The following ZNF304 variants were observed in gnomAD, a reference collection of about 807,000 sequenced individuals.
The protein encoded by ZNF304 is KRAB-containing zinc finger protein.
ZNF304 carries 7 observed loss-of-function variants against 7.8 expected under a neutral mutation model. The ratio of observed to expected loss-of-function variants is 0.90; its 90% confidence interval spans 0.51 to 1.69. The LOEUF (loss-of-function observed/expected upper bound fraction) is 1.69. Ranked by LOEUF, ZNF304 falls within the 40% of genes most tolerant of loss-of-function variation. ZNF304 has a pLI of 0.00. For missense variants in ZNF304, 669 were observed against 804.8 expected (o/e 0.83, Z 2.04); for synonymous variants, 280 against 272.4 (o/e 1.03, Z -0.27).
In ZNF304 at chr19:57,353,729, G is replaced by T; in HGVS notation, c.38G>T (p.Cys13Phe). Residue 13 changes from cysteine (C) to phenylalanine (F), a missense_variant, in exon 2 of 3, where the codon TGT becomes TTT. By Grantham distance (205) the Cys-to-Phe change is radical. Transcript: ENST00000282286. ...AAVLMDRVQSCVTFEDVFVYF... is the reference protein window; with the variant it reads ...AAVLMDRVQSFVTFEDVFVYF... ...CAGCTGTACTTATCATGGCAGAGTT[G>T]TGTGACCTTCGAGGATGTGTTCGTG... 1 of 1,609,890 alleles carries T rather than the reference G, an allele frequency of 6.2e-7. No individual in the cohort carries two copies. The highest frequency in any genetic ancestry group is 1.3e-5 in the African/African-American group (1 of 74,902).
rs775061642 is a variant in ZNF304 at position 57,356,869 on chromosome 19, T to G, written c.1000T>G (p.Ser334Ala). 1.2e-6 allele frequency: 2 copies of G among 1,612,670 alleles called. No individual in the cohort carries two copies. Among genetic ancestry groups the G allele is most frequent in the South Asian group, 2.2e-5 (2 of 91,010 alleles). Residue 334 changes from serine (S) to alanine (A), a missense_variant, in exon 3 of 3, where the codon TCT becomes GCT. Transcript: ENST00000282286. The part of the protein sequence containing the change: ...QHQRVHTGER[S>A]YDCSECGKAY... ...TCAGAGAGTTCACACTGGAGAAAGA[T>G]CTTATGACTGCAGTGAATGTGGAAA...
At chr19:57,354,652 AAGT>A (rs2088314051) in intron 2 of ZNF304, among the ~76,000 whole-genome samples, 1 of 152,230 alleles carries the variant, frequency 6.6e-6, no homozygotes, top group Non-Finnish European at 1.5e-5. Context: ...CCTTGGAAAT[AAGT>A]AAGTCCATCC....
chr19:57,357,120 G>T lies in ZNF304; in HGVS notation c.1251G>T (p.Arg417Ser), dbSNP rs1211408849. 1 of 1,613,008 alleles carries T rather than the reference G, an allele frequency of 6.2e-7. No homozygotes were observed. The highest frequency in any genetic ancestry group is 1.3e-5 in the African/African-American group (1 of 74,850). ...IEHWRIHTGA[R>S]PYECIECGKF... is the part of the protein sequence containing the mutation. ...ACTGGAGAATTCATACCGGGGCAAG[G>T]CCCTATGAATGCATAGAATGTGGAA... Residue 417 changes from arginine (R) to serine (S), a missense_variant, in exon 3 of 3, where the codon AGG (arginine) becomes AGT (serine). Transcript: ENST00000282286.
chr19:57,357,138 A>G lies in ZNF304; in HGVS notation c.1269A>G (p.Glu423=). Residue 423 remains glutamate, a synonymous_variant, in exon 3 of 3, where the codon GAA becomes GAG. Coordinates refer to ENST00000282286, the MANE Select transcript of ZNF304 (RefSeq NM_020657.4). ...HTGARPYECI[E]CGKFFSHNSS... ...GGGCAAGGCCCTATGAATGCATAGAATGTGGAAAATTCTTTAGCCATAACT... is the reference window on the plus strand; with the variant it reads ...GGGCAAGGCCCTATGAATGCATAGAGTGTGGAAAATTCTTTAGCCATAACT... 1 of 1,614,214 alleles carries G rather than the reference A, an allele frequency of 6.2e-7. No individual in the cohort carries two copies. The highest frequency in any genetic ancestry group is 8.5e-7 in the Non-Finnish European group (1 of 1,180,046).
At chr19:57,355,382 A>C in intron 2 of ZNF304, 1 of 765,124 alleles carries the variant, frequency 1.3e-6, no homozygotes, top group Non-Finnish European at 2.4e-6. Flanking sequence ...TACAGAGGGC[A>C]TGGCCCTGCT....
Position 57,358,908 on chromosome 19 carries a change from T to C in ZNF304, c.*1059T>C, listed in dbSNP as rs745823526. ...CAAGTCCCTGATATCCAGAACCCCA[T>C]AGGCAAGTAACATTGACTGTAAGAC... On this transcript the variant is annotated 3_prime_UTR_variant, in exon 3 of 3. Transcript: ENST00000282286. 2.0e-5 allele frequency: 3 copies of C among 152,344 alleles called. No individual in the cohort carries two copies. The South Asian group carries it at 6.2e-4, about 32-fold the overall frequency. The allele number at this position is 152,344 out of a possible 1,614,324, so 9.4% of individuals were successfully genotyped here. A position where few individuals can be genotyped will look rare whatever the true frequency, so the allele number is the denominator to read the frequency against.
At chr19:57,353,334 G>A (rs1394873548) in intron 1 of ZNF304, among the ~76,000 whole-genome samples, 2 of 152,232 alleles carry the variant, frequency 1.3e-5, no homozygotes, top group African/African-American at 4.8e-5. Context: ...GAGCACGTTG[G>A]GAGGAGTGTG....
intron 2 of ZNF304, among the ~76,000 whole-genome samples, chr19:57,355,112 CTG>C (rs1370683580): frequency 4.6e-5 from 7 of 152,222 alleles, no homozygotes; most frequent in African/African-American, 1.7e-4. Context: ...TGGGGCCTGA[CTG>C]TGCCAGGAAT....
At position 57,357,211 on chromosome 19, in the gene ZNF304, G is replaced by T. The variant is rs146642030; in HGVS notation, c.1342G>T (p.Val448Leu). The T allele has an allele frequency of 3.1e-6, 5 of 1,613,608 alleles. No homozygotes were observed. Among genetic ancestry groups the T allele is most frequent in the Non-Finnish European group, 4.2e-6 (5 of 1,179,948 alleles). ...RRVHTGARSY[V>L]CSKCGKAFGC... ...AGTCCACACAGGAGCAAGATCCTAC[G>T]TGTGCAGCAAATGTGGGAAGGCCTT... is the stretch of plus-strand genomic sequence containing the variant. The change falls in exon 3 of 3, where the codon GTG (valine) becomes TTG (leucine). Residue 448 changes from valine to leucine, a missense_variant. By Grantham distance (32) the Val-to-Leu change is conservative. Transcript: ENST00000282286.
intron 1 of ZNF304, among the ~76,000 whole-genome samples, chr19:57,353,058 A>AGT (rs1201307813): frequency 6.6e-6 from 1 of 152,198 alleles, no homozygotes; most frequent in African/African-American, 2.4e-5. Flanking sequence ...AATGGTGGCC[A>AGT]GTGTGTGGAG....
At chr19:57,355,782 C>G (rs1446374004) in intron 2 of ZNF304, among the ~76,000 whole-genome samples, 1 of 152,210 alleles carries the variant, frequency 6.6e-6, no homozygotes. Context: ...GCAGAGGAAT[C>G]AGGTAGAGGC....
Position 57,357,956 on chromosome 19 carries a change from G to A in ZNF304, c.*107G>A. The A allele has an allele frequency of 7.2e-7, 1 of 1,396,528 alleles. No homozygotes were observed. The highest frequency in any genetic ancestry group is 2.3e-5 in the Admixed American group (1 of 43,854). The allele number at this position is 1,396,528 out of a possible 1,614,324, so 86.5% of individuals were successfully genotyped here. On this transcript the variant is annotated 3_prime_UTR_variant, in exon 3 of 3. Transcript: ENST00000282286. The stretch of plus-strand genomic sequence containing the variant: ...GAGCAATGCTCTGTGAGTACCCTTT[G>A]TGAGGGAACCATCAGCTAGCAGATG...
rs141392162 is a variant in ZNF304 at position 57,357,317 on chromosome 19, C to A, written c.1448C>A (p.Ala483Asp). The A allele has an allele frequency of 3.0e-5, 48 of 1,612,982 alleles. No individual in the cohort carries two copies. In the African/African-American group the frequency reaches 6.4e-4, roughly 22 times the overall value. The stretch of plus-strand genomic sequence containing the variant: ...TATGAGTGCAGTGAATGTGGGAAGG[C>A]CTTCAGCCGTAAAGACACACTTGTG... ...RPYECSECGK[A>D]FSRKDTLVQH... The change falls in exon 3 of 3, where the codon GCC becomes GAC. Residue 483 changes from alanine (A) to aspartate (D), a missense_variant. Transcript: ENST00000282286.
Position 57,357,796 on chromosome 19 carries a change from C to A in ZNF304, c.1927C>A (p.His643Asn), listed in dbSNP as rs1295972239. Residue 643 changes from histidine to asparagine, a missense_variant, in exon 3 of 3, where the codon CAC (histidine) becomes AAC (asparagine). Physicochemically the swap from His to Asn is moderately conservative, Grantham distance 68. Coordinates refer to ENST00000282286, the MANE Select transcript of ZNF304 (RefSeq NM_020657.4). ...GAAAGCTCACACTGGAGAAAGAGCT[C>A]ACGAGTGCAACAGTTTTGGTGGCCC... ...HQKAHTGERA[H>N]ECNSFGGPLA... 5 of 1,612,382 alleles carry A rather than the reference C, an allele frequency of 3.1e-6. No individual in the cohort carries two copies. The highest frequency in any genetic ancestry group is 4.2e-6 in the Non-Finnish European group (5 of 1,179,520).
In ZNF304 at chr19:57,357,297, G is replaced by C; in HGVS notation, c.1428G>C (p.Glu476Asp). 6.2e-7 allele frequency: 1 copy of C among 1,613,674 alleles called. No individual in the cohort carries two copies. The highest frequency in any genetic ancestry group is 8.5e-7 in the Non-Finnish European group (1 of 1,179,882). The change falls in exon 3 of 3, where the codon GAG becomes GAC. Residue 476 changes from glutamate (E) to aspartate (D), a missense_variant. By Grantham distance (45) the Glu-to-Asp change is conservative. Transcript: ENST00000282286. ...QIIHTGARPYECSECGKAFSR... is the reference protein window; with the variant it reads ...QIIHTGARPYDCSECGKAFSR... ...TTCACACTGGAGCAAGGCCTTATGA[G>C]TGCAGTGAATGTGGGAAGGCCTTCA...
chr19:57,356,513 G>A lies in ZNF304; in HGVS notation c.644G>A (p.Gly215Glu). 1.2e-6 allele frequency: 2 copies of A among 1,614,206 alleles called. No homozygotes were observed. Among genetic ancestry groups the A allele is most frequent in the Non-Finnish European group, 1.7e-6 (2 of 1,180,032 alleles). Reference sequence around the variant, plus strand: ...AGCTCCAGTCTCAGGCAACACCAAGGAGACTATGATGGACAGATGCTTTTC... The same window carrying A: ...AGCTCCAGTCTCAGGCAACACCAAGAAGACTATGATGGACAGATGCTTTTC... The part of the protein sequence containing the change: ...PHSSSLRQHQ[G>E]DYDGQMLFSC... The change falls in exon 3 of 3, where the codon GGA becomes GAA. Residue 215 changes from glycine (G) to glutamate (E), a missense_variant. Coordinates refer to ENST00000282286, the MANE Select transcript of ZNF304 (RefSeq NM_020657.4).
intron 2 of ZNF304, 129 bp from the exon 3 acceptor site, chr19:57,355,901 C>A: frequency 1.9e-6 from 2 of 1,068,582 alleles, no homozygotes; most frequent in Non-Finnish European, 2.7e-6. Flanking sequence ...CTTCTTTACA[C>A]TGATCCTGGC....
rs1334319988 is a variant in ZNF304, at chr19:57,357,399, A to G, written c.1530A>G (p.Lys510=). 4 of 1,613,918 alleles carry G rather than the reference A, an allele frequency of 2.5e-6. No individual in the cohort carries two copies. The highest frequency in any genetic ancestry group is 3.4e-6 in the Non-Finnish European group (4 of 1,180,004). ...CTTATGAGTGTGGTGAATGTGGTAA[A>G]TTCTTCAGCCATAGCTCCAACCTTA... ...ERPYECGECG[K]FFSHSSNLIV... The change falls in exon 3 of 3, where the codon AAA becomes AAG. Residue 510 remains lysine, a synonymous_variant. Transcript: ENST00000282286.
rs2088275112 is a variant in ZNF304 at position 57,351,630 on chromosome 19, G to C, written c.-35G>C. 12 of 1,613,032 alleles carry C rather than the reference G, an allele frequency of 7.4e-6. No individual in the cohort carries two copies. Among genetic ancestry groups the C allele is most frequent in the Non-Finnish European group, 1.0e-5 (12 of 1,179,928 alleles). On this transcript the variant is annotated 5_prime_UTR_variant, in exon 1 of 3. Transcript: ENST00000282286. The surrounding 1 kb of genome is among the most constrained non-coding windows in gnomAD (Gnocchi z 4.1). ...GCGGTGGAGGCGTGGGGTTTCGGCTGAGCCCACAGGGCACAGACTGTTCAT... is the reference window on the plus strand; with the variant it reads ...GCGGTGGAGGCGTGGGGTTTCGGCTCAGCCCACAGGGCACAGACTGTTCAT...
Sources: allele counts gnomAD v4.1 joint callset (sites outside exome capture counted in the v4.1 genomes callset), GRCh38; gene constraint gnomAD v4.1.1; non-coding constraint Gnocchi (gnomAD v3.1); transcripts MANE v1.5; gene names NCBI Gene and HGNC (gene_info 2026-07-23, HGNC 2026-07-21).